Variants in CADPS2 observed in about 807,000 individuals in gnomAD.
CADPS2 encodes the protein calcium-dependent secretion activator 2.
In CADPS2, 93 loss-of-function variants were observed where a neutral mutation model predicts 172.5. The observed-to-expected ratio is 0.54, with a 90% CI of 0.46 to 0.64. The LOEUF is 0.64. Ranked by LOEUF, CADPS2 falls within the 30% of genes least tolerant of loss-of-function variation. The pLI is 0.00. For synonymous variants in CADPS2, 546 were observed against 555.2 expected, an observed-to-expected ratio of 0.98 and a Z score of 0.23; for missense variants, 1,420 against 1,565.9, an observed-to-expected ratio of 0.91 and a Z score of 1.57.
rs374975382 is a variant in CADPS2, at chr7:122,393,411, T to C, written c.2888+30A>G. ...ATAAGGTCAGGGTTGAAGAGGCAGG[T>C]GCTCTACGGACACTAGGTAAGATAC... On this transcript the variant is annotated intron_variant, in intron 21 of 29. Transcript: ENST00000449022. 5.5e-5 allele frequency: 89 copies of C among 1,612,532 alleles called. No individual in the cohort carries two copies. In the African/African-American group the frequency reaches 1.1e-3, roughly 20 times the overall value.
chr7:122,439,597 T>A (rs2051090053), intron 16 of CADPS2, among the ~76,000 whole-genome samples: 1 of 152,202 alleles, frequency 6.6e-6, no homozygotes, highest in Non-Finnish European at 1.5e-5. Flanking sequence ...TAAAGGCTAC[T>A]CTTTGATGAC....
chr7:122,685,241 A>C (rs1036470482), intron 2 of CADPS2, among the ~76,000 whole-genome samples: 6 of 152,222 alleles, frequency 3.9e-5, no homozygotes, highest in African/African-American at 1.4e-4. Context: ...TAAGGAAGAG[A>C]AACTAGGCTC....
At chr7:122,427,058 AGATC>A (rs1280764631) in intron 17 of CADPS2, 3 of 152,212 alleles carry the variant, frequency 2.0e-5, no homozygotes, top group Non-Finnish European at 4.4e-5. Context: ...AGAGTGTTAC[AGATC>A]ATGGCCAAGG....
intron 2 of CADPS2, among the ~76,000 whole-genome samples, chr7:122,735,387 T>A (rs1242749408): frequency 2.0e-5 from 3 of 152,136 alleles, no homozygotes; most frequent in Admixed American, 6.6e-5. Flanking sequence ...TTGTGCACTT[T>A]TTTTATTCAT....
At chr7:122,720,825 G>A (rs1178931939) in intron 2 of CADPS2, among the ~76,000 whole-genome samples, 2 of 151,860 alleles carry the variant, frequency 1.3e-5, no homozygotes, top group Middle Eastern at 3.2e-3. Context: ...ATTGATTATT[G>A]CTGTTTGAAT....
intron 1 of CADPS2, among the ~76,000 whole-genome samples, chr7:122,836,656 C>G (rs1808536254): frequency 6.6e-6 from 1 of 151,988 alleles, no homozygotes; most frequent in African/African-American, 2.4e-5. Context: ...GACTTTAAAC[C>G]AACAAAGATC....
intron 9 of CADPS2, among the ~76,000 whole-genome samples, chr7:122,497,803 T>C (rs2058862078): frequency 6.6e-6 from 1 of 152,196 alleles, no homozygotes; most frequent in African/African-American, 2.4e-5. Context: ...TGAAAATATG[T>C]CTTTAATTTG....
chr7:122,666,098 C>T (rs564395910), intron 2 of CADPS2, among the ~76,000 whole-genome samples: 3 of 152,230 alleles, frequency 2.0e-5, no homozygotes, highest in African/African-American at 7.2e-5. Flanking sequence ...TTATAACCTG[C>T]ATAAGTATTT....
intron 2 of CADPS2, among the ~76,000 whole-genome samples, chr7:122,685,827 A>G (rs140377786): frequency 0.023 from 3,552 of 152,326 alleles, 51 homozygotes; most frequent in Non-Finnish European, 0.037. Flanking sequence ...AGATCTTACA[A>G]TCAAGGAGGA....
At chr7:122,639,209 C>CT (rs2077360447) in intron 3 of CADPS2, among the ~76,000 whole-genome samples, 1 of 152,092 alleles carries the variant, frequency 6.6e-6, no homozygotes, top group Non-Finnish European at 1.5e-5. Flanking sequence ...GGTTAACGTT[C>CT]TTTTTTACAT....
chr7:122,364,532 C>T (rs1297977790), intron 25 of CADPS2, among the ~76,000 whole-genome samples: 1 of 151,480 alleles, frequency 6.6e-6, no homozygotes, highest in Non-Finnish European at 1.5e-5. Context: ...CGAGACCATC[C>T]TGGCTAACAC....
intron 7 of CADPS2, among the ~76,000 whole-genome samples, chr7:122,580,694 A>C (rs1169880808): frequency 6.6e-6 from 1 of 152,170 alleles, no homozygotes; most frequent in Non-Finnish European, 1.5e-5. Flanking sequence ...ATAATGTTAA[A>C]AGGTGTGAGA....
At chr7:122,400,648 A>AT (rs2045838237) in intron 20 of CADPS2, among the ~76,000 whole-genome samples, 1 of 152,310 alleles carries the variant, frequency 6.6e-6, no homozygotes, top group Admixed American at 6.5e-5. Flanking sequence ...ACATTCTCAC[A>AT]TTTTGGCCCT....
At chr7:122,743,318 T>C (rs2092580660) in intron 1 of CADPS2, among the ~76,000 whole-genome samples, 1 of 152,226 alleles carries the variant, frequency 6.6e-6, no homozygotes, top group Middle Eastern at 3.2e-3. Flanking sequence ...TGTTTCCTGT[T>C]TTTTCATATT....
At chr7:122,833,584 T>TG (rs1277305084) in intron 1 of CADPS2, among the ~76,000 whole-genome samples, 2 of 151,888 alleles carry the variant, frequency 1.3e-5, no homozygotes, top group Non-Finnish European at 2.9e-5. Flanking sequence ...TTAGTAGAGA[T>TG]GGGGTTTCAC....
intron 1 of CADPS2, among the ~76,000 whole-genome samples, chr7:122,866,654 T>C (rs1267165845): frequency 6.6e-6 from 1 of 152,198 alleles, no homozygotes; most frequent in East Asian, 1.9e-4. Flanking sequence ...TGAGTTGAGA[T>C]TGTGCCACTG....
chr7:122,691,488 T>A lies in CADPS2; in HGVS notation c.454-27919A>T, dbSNP rs574345461. Among the ~76,000 whole-genome samples, 15 of 152,336 alleles carry A rather than the reference T, an allele frequency of 9.8e-5. No individual in the cohort carries two copies. In the East Asian group the frequency reaches 2.5e-3, roughly 26 times the overall value. On this transcript the variant is annotated intron_variant, in intron 2 of 29. Coordinates refer to ENST00000449022, the MANE Select transcript of CADPS2 (RefSeq NM_017954.11). ...GTCAACTACCCATAGGTCTTGTGCC[T>A]ACTGAAGAGCCTGCTTGGCTGTGTA...
chr7:122,608,616 A>G (rs1372881874), intron 6 of CADPS2, among the ~76,000 whole-genome samples: 1 of 152,148 alleles, frequency 6.6e-6, no homozygotes, highest in African/African-American at 2.4e-5. Flanking sequence ...TAGTTCTCTA[A>G]TGACACACAA....
intron 1 of CADPS2, among the ~76,000 whole-genome samples, chr7:122,818,330 T>C (rs1802124055): frequency 1.3e-5 from 2 of 152,150 alleles, no homozygotes. Context: ...TAGTTCCAAA[T>C]AGCCAGAAAA....
Sources: gnomAD v4.1 joint callset for allele counts (sites outside exome capture counted in the v4.1 genomes callset) on GRCh38, gnomAD v4.1.1 for gene constraint, MANE v1.5 for transcripts, NCBI Gene and HGNC (gene_info 2026-07-23, HGNC 2026-07-21) for gene names.